The following MAP3K8 variants were observed in gnomAD, a reference collection of about 807,000 sequenced individuals.
MAP3K8 encodes Ewing sarcoma transformant.
MAP3K8 carries 22 observed loss-of-function variants against 45.8 expected under a neutral mutation model. The ratio of observed to expected loss-of-function variants is 0.48; its 90% confidence interval spans 0.34 to 0.69. The LOEUF is 0.69. Among genes scored for constraint, MAP3K8 ranks in the 30% least tolerant of loss-of-function variants. The probability of loss-of-function intolerance (pLI) is 0.01; values close to 1 mark genes in which losing one functional copy is unlikely to be tolerated. For synonymous variants in MAP3K8, 223 were observed against 214.3 expected (o/e 1.04, Z -0.36); for missense variants, 419 against 585.0 (o/e 0.72, Z 2.93).
intron 6 of MAP3K8, among the ~76,000 whole-genome samples, chr10:30,455,467 C>T (rs1346561916): frequency 6.6e-6 from 1 of 152,200 alleles, no homozygotes; most frequent in Non-Finnish European, 1.5e-5. Context: ...CATTGGTATT[C>T]AGAGCATTCT....
At chr10:30,441,690 A>G (rs1836116438) in intron 3 of MAP3K8, among the ~76,000 whole-genome samples, 1 of 152,100 alleles carries the variant, frequency 6.6e-6, no homozygotes, top group Admixed American at 6.5e-5. Flanking sequence ...CTTTCCTGCC[A>G]CTCACATTAA....
Position 30,460,900 on chromosome 10 carries a change from C to T in MAP3K8, c.*64C>T. 6.3e-7 allele frequency: 1 copy of T among 1,596,932 alleles called. No homozygotes were observed. The highest frequency in any genetic ancestry group is 8.5e-7 in the Non-Finnish European group (1 of 1,174,360). On this transcript the variant is annotated 3_prime_UTR_variant, in exon 9 of 9. Transcript: ENST00000263056. ...CTCCTGGAGGCTGGTTCTGCTGCCT[C>T]TACACAGGGGCCCTGTACAGTGAAT...
chr10:30,457,206 C>T (rs1161027140), intron 6 of MAP3K8, among the ~76,000 whole-genome samples: 2 of 152,082 alleles, frequency 1.3e-5, no homozygotes, highest in Admixed American at 6.5e-5. Flanking sequence ...TAAAACCAGC[C>T]CTGTTTATTC....
intron 4 of MAP3K8, among the ~76,000 whole-genome samples, chr10:30,449,652 GCATGCA>G (rs1440912808): frequency 3.9e-5 from 6 of 152,208 alleles, no homozygotes; most frequent in African/African-American, 1.4e-4. Flanking sequence ...GGGATTACAG[GCATGCA>G]CAACCAATGC....
At position 30,461,677 on chromosome 10, in the gene MAP3K8, C is replaced by A. The variant is rs566171208; in HGVS notation, c.*841C>A. ...TACTGTGTATGTTTTATATCAAATGCCTTCATGAATCTTTCATACATATAT... is the reference window on the plus strand; with the variant it reads ...TACTGTGTATGTTTTATATCAAATGACTTCATGAATCTTTCATACATATAT... On this transcript the variant is annotated 3_prime_UTR_variant, in exon 9 of 9. Coordinates refer to ENST00000263056, the MANE Select transcript of MAP3K8 (RefSeq NM_005204.4). 9 of 185,026 alleles carry A rather than the reference C, an allele frequency of 4.9e-5. No homozygotes were observed. The highest frequency in any genetic ancestry group is 1.2e-4 in the Admixed American group (2 of 16,010). 11.5% of individuals were successfully genotyped at this position (185,026 alleles called of 1,614,324 possible).
At chr10:30,434,753 G>A in intron 1 of MAP3K8, 2 of 985,548 alleles carry the variant, frequency 2.0e-6, no homozygotes, top group Non-Finnish European at 2.4e-6. Context: ...GACCCGGTGA[G>A]TGCAGCTCGG....
At chr10:30,441,191 C>G (rs1290783240) in intron 3 of MAP3K8, among the ~76,000 whole-genome samples, 3 of 150,788 alleles carry the variant, frequency 2.0e-5, no homozygotes, top group Non-Finnish European at 2.9e-5. Flanking sequence ...GAGTCTCGCT[C>G]TGTCACCCAG....
chr10:30,450,545 T>C, intron 5 of MAP3K8, 26 bp downstream of exon 5: 1 of 1,610,714 alleles, frequency 6.2e-7, no homozygotes, highest in Non-Finnish European at 8.5e-7. Context: ...CATATACCTT[T>C]TTGGCTCAAA....
At chr10:30,445,741 C>T (rs1480241875) in intron 3 of MAP3K8, among the ~76,000 whole-genome samples, 2 of 152,210 alleles carry the variant, frequency 1.3e-5, no homozygotes, top group Non-Finnish European at 2.9e-5. Context: ...AGCTCTAGGG[C>T]CCTGCACAGG....
Position 30,439,106 on chromosome 10 carries a change from C to T in MAP3K8, c.168C>T (p.Asn56=), listed in dbSNP as rs780414317. 28 of 1,614,220 alleles carry T rather than the reference C, an allele frequency of 1.7e-5. No individual in the cohort carries two copies. The highest frequency in any genetic ancestry group is 3.3e-4 in the Middle Eastern group (2 of 6,062). The change falls in exon 3 of 9, where the codon AAC becomes AAT. Residue 56 remains asparagine (N), a synonymous_variant. Coordinates refer to ENST00000263056, the MANE Select transcript of MAP3K8 (RefSeq NM_005204.4). Reference sequence around the variant, plus strand: ...CCATGTGTCAAGACAGTAATCAAAACGATGAGCGTTCTAAGTCTCTGCTGC... The same window carrying T: ...CCATGTGTCAAGACAGTAATCAAAATGATGAGCGTTCTAAGTCTCTGCTGC... ...LMTMCQDSNQ[N]DERSKSLLLS... is the part of the protein sequence containing the mutation.
chr10:30,440,634 T>C (rs1398353451), intron 3 of MAP3K8, among the ~76,000 whole-genome samples: 1 of 152,230 alleles, frequency 6.6e-6, no homozygotes, highest in Non-Finnish European at 1.5e-5. Context: ...TTCTTCCTTT[T>C]ATAAATGAGA....
At chr10:30,435,599 C>G (rs905556632) in intron 1 of MAP3K8, among the ~76,000 whole-genome samples, 1 of 152,206 alleles carries the variant, frequency 6.6e-6, no homozygotes, top group African/African-American at 2.4e-5. Context: ...GTCGCCCAGG[C>G]TGGAGCGCAA....
intron 3 of MAP3K8, among the ~76,000 whole-genome samples, chr10:30,444,852 G>T (rs568277919): frequency 4.6e-5 from 7 of 152,260 alleles, no homozygotes; most frequent in African/African-American, 1.7e-4. Flanking sequence ...CAGACTAGGA[G>T]GTATGCTTTG....
intron 1 of MAP3K8, among the ~76,000 whole-genome samples, chr10:30,435,279 A>C (rs896741858): frequency 1.3e-5 from 2 of 152,188 alleles, no homozygotes; most frequent in South Asian, 4.1e-4. Context: ...TGTGCCAAGG[A>C]GAGTGTAATC....
Position 30,434,332 on chromosome 10 carries a change from G to A in MAP3K8, c.-301G>A. On this transcript the variant is annotated 5_prime_UTR_variant, in exon 1 of 9. Transcript: ENST00000263056. ...CCAGCATCGCACCGAACCTTCGGGGGGCCGCGGCTGGAGCGCTCGGCCGGC... is the reference window on the plus strand; with the variant it reads ...CCAGCATCGCACCGAACCTTCGGGGAGCCGCGGCTGGAGCGCTCGGCCGGC... 1 of 488,370 alleles carries A rather than the reference G, an allele frequency of 2.0e-6. No homozygotes were observed. Among genetic ancestry groups the A allele is most frequent in the Non-Finnish European group, 2.7e-6 (1 of 375,658 alleles). The allele number at this position is 488,370 out of a possible 1,614,324, so 30.3% of individuals were successfully genotyped here.
In MAP3K8 at chr10:30,461,757, A is replaced by G. The variant is rs1356096473; in HGVS notation, c.*921A>G. The G allele has an allele frequency of 1.1e-5, 2 of 183,910 alleles. No individual in the cohort carries two copies. Among genetic ancestry groups the G allele is most frequent in the Non-Finnish European group, 2.3e-5 (2 of 86,752 alleles). 11.4% of individuals were successfully genotyped at this position (183,910 alleles called of 1,614,324 possible). A position where few individuals can be genotyped will look rare whatever the true frequency, so the allele number is the denominator to read the frequency against. On this transcript the variant is annotated 3_prime_UTR_variant, in exon 9 of 9. Coordinates refer to ENST00000263056, the MANE Select transcript of MAP3K8 (RefSeq NM_005204.4). Reference sequence around the variant, plus strand: ...AGTCTTATGTAAAGTATGTTTTTACATTATGCAAATAAAACCCAATACTTT... The same window carrying G: ...AGTCTTATGTAAAGTATGTTTTTACGTTATGCAAATAAAACCCAATACTTT...
intron 6 of MAP3K8, 38 bp downstream of exon 6, chr10:30,451,782 A>G: frequency 8.8e-7 from 1 of 1,138,664 alleles, no homozygotes; most frequent in Non-Finnish European, 1.3e-6. Context: ...CTATTTTATT[A>G]AGAATAAAAA....
intron 3 of MAP3K8, among the ~76,000 whole-genome samples, chr10:30,444,813 G>A (rs998992424): frequency 6.6e-6 from 1 of 152,102 alleles, no homozygotes; most frequent in African/African-American, 2.4e-5. Flanking sequence ...CTTTAATTAT[G>A]GCCTTCTGGA....
chr10:30,448,253 C>G (rs1836407577), intron 4 of MAP3K8, among the ~76,000 whole-genome samples: 1 of 152,038 alleles, frequency 6.6e-6, no homozygotes, highest in African/African-American at 2.4e-5. Flanking sequence ...AAGAGCCATC[C>G]TGCAAAGTAG....
Sources: allele counts gnomAD v4.1 joint callset (sites outside exome capture counted in the v4.1 genomes callset), GRCh38; gene constraint gnomAD v4.1.1; transcripts MANE v1.5; gene names NCBI Gene and HGNC (gene_info 2026-07-23, HGNC 2026-07-21).